MMD2: variants seen among roughly 807,000 people sequenced by gnomAD.
MMD2 encodes monocyte to macrophage differentiation factor 2.
MMD2 carries 30 observed loss-of-function variants against 33.5 expected under a neutral mutation model. The observed-to-expected ratio is 0.90, with a 90% CI of 0.67 to 1.22. MMD2 has a LOEUF of 1.22. MMD2 is among the 50% of genes most tolerant of loss of function. The pLI is 0.00. For synonymous variants in MMD2, 129 were observed against 123.0 expected (o/e 1.05, Z -0.32); for missense variants, 364 against 325.4 (o/e 1.12, Z -0.91).
intron 1 of MMD2, among the ~76,000 whole-genome samples, chr7:4,949,246 C>A (rs533304556): frequency 2.0e-5 from 3 of 151,960 alleles, no homozygotes; most frequent in South Asian, 4.2e-4. Context: ...ACTATTGTCA[C>A]CCTGCTTGCT....
At chr7:4,902,721 G>A (rs1784810978), downstream of MMD2, among the ~76,000 whole-genome samples, 1 of 152,218 alleles carries the variant, frequency 6.6e-6, no homozygotes, top group Non-Finnish European at 1.5e-5. Flanking sequence ...CCCAGAGCCT[G>A]CATTTCGGCA....
At chr7:4,927,071 GTA>G (rs1356373313) in intron 1 of MMD2, among the ~76,000 whole-genome samples, 1 of 152,010 alleles carries the variant, frequency 6.6e-6, no homozygotes, top group African/African-American at 2.4e-5. Flanking sequence ...CATGGCTATT[GTA>G]TTCCACTGGG....
intron 1 of MMD2, among the ~76,000 whole-genome samples, chr7:4,926,819 A>C (rs376116907): frequency 4.6e-5 from 7 of 151,350 alleles, no homozygotes; most frequent in Admixed American, 2.0e-4. Context: ...ATCTCGGCTC[A>C]CAGCAAGCTC....
chr7:4,893,253 G>A, the MMD2 span, among the ~76,000 whole-genome samples: 1 of 151,962 alleles, frequency 6.6e-6, no homozygotes, highest in East Asian at 1.9e-4. Context: ...TTCAGGGAGA[G>A]CCCACAGAGT....
intron 4 of MMD2, 88 bp downstream of exon 4, chr7:4,915,917 A>G: frequency 7.2e-7 from 1 of 1,383,224 alleles, no homozygotes; most frequent in South Asian, 1.2e-5. Flanking sequence ...TGCCAAGTCA[A>G]CACATTACCC....
chr7:4,935,303 G>A (rs1056579398), intron 1 of MMD2, among the ~76,000 whole-genome samples: 17 of 152,108 alleles, frequency 1.1e-4, no homozygotes, highest in Admixed American at 5.9e-4. Flanking sequence ...AGTGAGCTAT[G>A]ATCGTGCCAC....
At chr7:4,897,275 T>C in the MMD2 span, among the ~76,000 whole-genome samples, 2 of 150,088 alleles carry the variant, frequency 1.3e-5, no homozygotes, top group African/African-American at 2.5e-5. Context: ...TGAGACATCT[T>C]GATTTTTTTT....
At chr7:4,932,977 C>G (rs1257557092) in intron 1 of MMD2, among the ~76,000 whole-genome samples, 2 of 147,206 alleles carry the variant, frequency 1.4e-5, no homozygotes, top group Non-Finnish European at 3.0e-5. Flanking sequence ...TACAGTTTTA[C>G]AGCCTTTTTT....
downstream of MMD2, among the ~76,000 whole-genome samples, chr7:4,902,611 C>G (rs1784809712): frequency 6.6e-6 from 1 of 152,196 alleles, no homozygotes; most frequent in South Asian, 2.1e-4. Context: ...AGCTCTTTCT[C>G]GTCACACCTG....
intron 5 of MMD2, among the ~76,000 whole-genome samples, chr7:4,910,474 T>A (rs775753487): frequency 2.0e-5 from 3 of 152,050 alleles, no homozygotes; most frequent in Non-Finnish European, 2.9e-5. Context: ...ATTATTTCCA[T>A]CCCCATCACT....
intron 6 of MMD2, chr7:4,909,675 A>G: frequency 2.7e-6 from 2 of 750,320 alleles, no homozygotes; most frequent in Non-Finnish European, 2.4e-6. Context: ...GACTCAAACT[A>G]TCCTCCCACC....
chr7:4,957,530 T>A (rs1007796910), intron 1 of MMD2, among the ~76,000 whole-genome samples: 1 of 151,490 alleles, frequency 6.6e-6, no homozygotes, highest in African/African-American at 2.4e-5. Context: ...GTGCCTGTAG[T>A]CCCAGCTACT....
At position 4,941,451 on chromosome 7, in the gene MMD2, G is replaced by A. The variant is rs978606134; in HGVS notation, c.48-15919C>T. On this transcript the variant is annotated intron_variant, in intron 1 of 6. Coordinates refer to ENST00000401401, the MANE Select transcript of MMD2 (RefSeq NM_198403.4). ...TCAAGACCAGCCTGGCCAACATGGC[G>A]AAACCCTGTCTCTACTAAAAATACA... 4.6e-5 allele frequency among the ~76,000 whole-genome samples: 7 copies of A among 152,114 alleles called. 1 individual carries two copies. The East Asian group carries it at 5.8e-4, about 13-fold the overall frequency.
intron 1 of MMD2, among the ~76,000 whole-genome samples, chr7:4,927,721 A>AAAACAAAAC (rs531650209): frequency 5.3e-5 from 8 of 152,250 alleles, no homozygotes; most frequent in African/African-American, 1.7e-4. Flanking sequence ...AAACCAAACC[A>AAAACAAAAC]AAACAAAACA....
intron 1 of MMD2, among the ~76,000 whole-genome samples, chr7:4,937,621 G>T (rs928312985): frequency 6.6e-6 from 1 of 152,092 alleles, no homozygotes; most frequent in African/African-American, 2.4e-5. Context: ...CGATGTTCCT[G>T]CTTCAGCCTG....
At chr7:4,925,988 T>C (rs754070313) in intron 1 of MMD2, among the ~76,000 whole-genome samples, 9 of 152,090 alleles carry the variant, frequency 5.9e-5, no homozygotes, top group African/African-American at 1.2e-4. Flanking sequence ...GTATTTTTAG[T>C]AGAGAAGGGG....
chr7:4,916,162 T>C, intron 3 of MMD2, 83 bp from the exon 4 acceptor site: 1 of 1,339,620 alleles, frequency 7.5e-7, no homozygotes, highest in Non-Finnish European at 1.1e-6. Flanking sequence ...CCTGGACTGA[T>C]CGTGCCTGCC....
chr7:4,935,848 T>C (rs1785726286), intron 1 of MMD2, among the ~76,000 whole-genome samples: 2 of 152,106 alleles, frequency 1.3e-5, no homozygotes, highest in South Asian at 2.1e-4. Context: ...AAGATCTTTC[T>C]ACCATTCTTG....
At chr7:4,953,768 G>A (rs1786314715) in intron 1 of MMD2, among the ~76,000 whole-genome samples, 1 of 152,152 alleles carries the variant, frequency 6.6e-6, no homozygotes, top group Admixed American at 6.5e-5. Flanking sequence ...ACCGCACCCA[G>A]CCTCAGTCTC....
Sources: gnomAD v4.1 joint callset for allele counts (sites outside exome capture counted in the v4.1 genomes callset) on GRCh38, gnomAD v4.1.1 for gene constraint, MANE v1.5 for transcripts, NCBI Gene and HGNC (gene_info 2026-07-23, HGNC 2026-07-21) for gene names.